The following MMS22L variants were observed in gnomAD, a reference collection of about 807,000 sequenced individuals.
MMS22L encodes MMS22 like, DNA repair protein, also known as protein MMS22-like.
Under a neutral mutation model 159.1 loss-of-function variants are expected in MMS22L, and 74 were observed. That is an observed-to-expected ratio of 0.47 (90% CI 0.39 to 0.56). The LOEUF (loss-of-function observed/expected upper bound fraction) is 0.56, where lower values mean the gene tolerates loss of function less well. Among genes scored for constraint, MMS22L ranks in the 20% least tolerant of loss-of-function variants. MMS22L has a pLI of 0.00. For synonymous variants in MMS22L, 517 were observed against 506.9 expected, an observed-to-expected ratio of 1.02 and a Z score of -0.27; for missense variants, 1,351 against 1,422.1, an observed-to-expected ratio of 0.95 and a Z score of 0.80.
intron 10 of MMS22L, among the ~76,000 whole-genome samples, chr6:97,252,160 A>G (rs1483721757): frequency 6.6e-6 from 1 of 152,126 alleles, no homozygotes; most frequent in Non-Finnish European, 1.5e-5. Context: ...ATTCCATATT[A>G]CAATAGCAAT....
chr6:97,239,626 G>A (rs1229320467), intron 11 of MMS22L, among the ~76,000 whole-genome samples: 3 of 152,300 alleles, frequency 2.0e-5, no homozygotes, highest in Admixed American at 6.5e-5. Context: ...AAGCTGTAGT[G>A]GTCAGGCTGG....
chr6:97,272,815 C>A lies in MMS22L; in HGVS notation c.495G>T (p.Gln165His). 6.2e-7 allele frequency: 1 copy of A among 1,613,998 alleles called. No individual in the cohort carries two copies. The highest frequency in any genetic ancestry group is 8.5e-7 in the Non-Finnish European group (1 of 1,179,908). The change falls in exon 6 of 25, where the codon CAG becomes CAT. Residue 165 changes from glutamine to histidine, a missense_variant. Physicochemically the swap from Gln to His is conservative, Grantham distance 24. Coordinates refer to ENST00000683635, the MANE Select transcript of MMS22L (RefSeq NM_001350599.2). Reference protein sequence around the residue: ...PVHPYEALEAQLPSVLIDELH... With the variant: ...PVHPYEALEAHLPSVLIDELH... The stretch of plus-strand genomic sequence containing the variant: ...GCTCATCAATCAACACTGAGGGAAG[C>A]TGAGCCTCCAAAGCCTCATAAGGAT...
chr6:97,215,091 A>AATATATATATATATATATATAT (rs1167446221), intron 14 of MMS22L, among the ~76,000 whole-genome samples: 2 of 141,292 alleles, frequency 1.4e-5, no homozygotes, highest in Admixed American at 7.1e-5. Flanking sequence ...TCATGTTTTA[A>AATATATATATATATATATATAT]ATATATATAT....
Position 97,268,022 on chromosome 6 carries a change from A to G in MMS22L, c.698-20T>C. 6.7e-7 allele frequency: 1 copy of G among 1,489,682 alleles called. No individual in the cohort carries two copies. Among genetic ancestry groups the G allele is most frequent in the Non-Finnish European group, 9.0e-7 (1 of 1,113,784 alleles). The allele number at this position is 1,489,682 out of a possible 1,614,324, so 92.3% of individuals were successfully genotyped here. On this transcript the variant is annotated intron_variant, in intron 7 of 24. Coordinates refer to ENST00000683635, the MANE Select transcript of MMS22L (RefSeq NM_001350599.2). Reference sequence around the variant, plus strand: ...CTTGTTCTGAAAATGTAATAAAAATAGTTTTAAAATACAGATTTTACTAAG... The same window carrying G: ...CTTGTTCTGAAAATGTAATAAAAATGGTTTTAAAATACAGATTTTACTAAG...
chr6:97,189,582 AT>A (rs1805651325), intron 14 of MMS22L, among the ~76,000 whole-genome samples: 2 of 128,142 alleles, frequency 1.6e-5, no homozygotes, highest in Non-Finnish European at 1.7e-5. Flanking sequence ...AAAAAAAAGA[AT>A]AATTAATTAA....
chr6:97,159,672 C>T (rs879524344), intron 22 of MMS22L, among the ~76,000 whole-genome samples: 6 of 151,786 alleles, frequency 4.0e-5, no homozygotes, highest in Non-Finnish European at 8.8e-5. Context: ...TGACCTGATG[C>T]CATAAGTGGA....
At chr6:97,155,189 T>C (rs1801701955) in intron 22 of MMS22L, among the ~76,000 whole-genome samples, 1 of 152,336 alleles carries the variant, frequency 6.6e-6, no homozygotes, top group East Asian at 1.9e-4. Context: ...TTATTACTGA[T>C]ATAGTTTGAT....
In MMS22L at chr6:97,144,674, C is replaced by T. The variant is rs569256708; in HGVS notation, c.*2132G>A. ...CTATTAAAGAAGCAGGTATAAGGGA[C>T]TCCAAGTCTGGGAATGAAAGAGGGC... On this transcript the variant is annotated 3_prime_UTR_variant, in exon 25 of 25. Coordinates refer to ENST00000683635, the MANE Select transcript of MMS22L (RefSeq NM_001350599.2). 6.6e-6 allele frequency: 1 copy of T among 151,878 alleles called. No homozygotes were observed. The highest frequency in any genetic ancestry group is 1.9e-4 in the East Asian group (1 of 5,156). 9.4% of individuals were successfully genotyped at this position (151,878 alleles called of 1,614,324 possible).
chr6:97,212,728 C>G (rs1198359341), intron 14 of MMS22L, among the ~76,000 whole-genome samples: 1 of 152,082 alleles, frequency 6.6e-6, no homozygotes, highest in Non-Finnish European at 1.5e-5. Context: ...TTGAAAAATA[C>G]AGTAATTTTT....
rs1800717774 is a variant in MMS22L at position 97,143,153 on chromosome 6, T to C, written c.*3653A>G. ...TCATCACTCTGTTGTCCTTCAGTTG[T>C]CTTTTATACTCTATCTGGTATTTTA... On this transcript the variant is annotated 3_prime_UTR_variant, in exon 25 of 25. Coordinates refer to ENST00000683635, the MANE Select transcript of MMS22L (RefSeq NM_001350599.2). 1 of 152,408 alleles carries C rather than the reference T, an allele frequency of 6.6e-6. No individual in the cohort carries two copies. Among genetic ancestry groups the C allele is most frequent in the Non-Finnish European group, 1.5e-5 (1 of 68,014 alleles). The allele number at this position is 152,408 out of a possible 1,614,324, so 9.4% of individuals were successfully genotyped here. A position where few individuals can be genotyped will look rare whatever the true frequency, so the allele number is the denominator to read the frequency against.
In MMS22L at chr6:97,208,916, A is replaced by C. The variant is rs562557313; in HGVS notation, c.2039+19978T>G. On this transcript the variant is annotated intron_variant, in intron 14 of 24. Coordinates refer to ENST00000683635, the MANE Select transcript of MMS22L (RefSeq NM_001350599.2). ...CCTAAAAAACATTTAACCCGTCCCA[A>C]CTTCCAGTTCTTAAGTCACTCTCCT... 2.2e-3 allele frequency among the ~76,000 whole-genome samples: 330 copies of C among 151,992 alleles called. 3 individuals carry two copies. Among genetic ancestry groups the C allele is most frequent in the South Asian group, 0.017 (81 of 4,816 alleles).
chr6:97,162,175 A>G lies in MMS22L; in HGVS notation c.3222-10T>C. The G allele has an allele frequency of 6.3e-7, 1 of 1,585,054 alleles. No homozygotes were observed. The highest frequency in any genetic ancestry group is 8.5e-7 in the Non-Finnish European group (1 of 1,171,280). On this transcript the variant is annotated splice_polypyrimidine_tract_variant and intron_variant, in intron 21 of 24. Transcript: ENST00000683635. ...CTCAAGGTAGGATTTCCTGAAAAGA[A>G]GCAAAATTTGTTTATTCTCTGCTTA... is the stretch of plus-strand genomic sequence containing the variant.
At chr6:97,161,109 T>C (rs945829986) in intron 22 of MMS22L, among the ~76,000 whole-genome samples, 1 of 152,066 alleles carries the variant, frequency 6.6e-6, no homozygotes, top group Non-Finnish European at 1.5e-5. Context: ...ATGGATTGTA[T>C]GTGTCTGTTT....
rs1815811245 is a variant in MMS22L, at chr6:97,272,155, T to C, written c.606+549A>G. ...TTACTTATCTATAAGCTAGGCACGG[T>C]AACAATATAAAGTTTTAAAAACCAA... On this transcript the variant is annotated intron_variant, in intron 6 of 24. Transcript: ENST00000683635. The C allele has an allele frequency of 2.0e-5, 3 of 152,148 alleles. No homozygotes were observed. The South Asian group carries it at 6.2e-4, about 32-fold the overall frequency. The allele number at this position is 152,148 out of a possible 1,614,324, so 9.4% of individuals were successfully genotyped here.
chr6:97,149,918 A>G lies in MMS22L; in HGVS notation c.3585T>C (p.Ser1195=). The change falls in exon 24 of 25, where the codon TCT becomes TCC. Residue 1195 remains serine (S), a synonymous_variant. Transcript: ENST00000683635. ...LDQQVVIHLI[S]TLTQSLKDSE... is the part of the protein sequence containing the mutation. Reference sequence around the variant, plus strand: ...AATCCTTCAGAGACTGAGTAAGGGTAGAAATCAAGTGGATGACAACCTGCT... The same window carrying G: ...AATCCTTCAGAGACTGAGTAAGGGTGGAAATCAAGTGGATGACAACCTGCT... 1 of 1,613,718 alleles carries G rather than the reference A, an allele frequency of 6.2e-7. No individual in the cohort carries two copies. Among genetic ancestry groups the G allele is most frequent in the Non-Finnish European group, 8.5e-7 (1 of 1,179,744 alleles).
At chr6:97,227,063 T>C (rs543989844) in intron 14 of MMS22L, among the ~76,000 whole-genome samples, 35 of 152,188 alleles carry the variant, frequency 2.3e-4, no homozygotes, top group African/African-American at 7.9e-4. Context: ...TGTAAAATGA[T>C]AATATATTAC....
chr6:97,164,621 T>G (rs1802779629), intron 21 of MMS22L, among the ~76,000 whole-genome samples: 1 of 152,004 alleles, frequency 6.6e-6, no homozygotes, highest in Admixed American at 6.6e-5. Flanking sequence ...ATAATTACTG[T>G]ATTTTATTTT....
Position 97,229,162 on chromosome 6 carries a change from A to G in MMS22L, c.1771T>C (p.Leu591=), listed in dbSNP as rs1164733926. 6.2e-7 allele frequency: 1 copy of G among 1,614,016 alleles called. No individual in the cohort carries two copies. The highest frequency in any genetic ancestry group is 8.5e-7 in the Non-Finnish European group (1 of 1,180,012). Residue 591 remains leucine (L), a synonymous_variant, in exon 14 of 25, where the codon TTG becomes CTG. Transcript: ENST00000683635. ...YAQKNLDIGV[L]AEKFSCAFRE... Reference sequence around the variant, plus strand: ...AAAGCACATGAAAATTTCTCAGCCAAAACACCAATGTCCAGATTTTTCTGG... The same window carrying G: ...AAAGCACATGAAAATTTCTCAGCCAGAACACCAATGTCCAGATTTTTCTGG...
chr6:97,236,174 C>A (rs938931419), intron 11 of MMS22L, among the ~76,000 whole-genome samples: 7 of 151,704 alleles, frequency 4.6e-5, no homozygotes, highest in Admixed American at 3.9e-4. Flanking sequence ...CTAAAAAATA[C>A]AAAAATTAGC....
Sources: allele counts gnomAD v4.1 joint callset (sites outside exome capture counted in the v4.1 genomes callset), GRCh38; gene constraint gnomAD v4.1.1; transcripts MANE v1.5; gene names NCBI Gene and HGNC (gene_info 2026-07-23, HGNC 2026-07-21).